The following MAOB variants were observed in gnomAD, a reference collection of about 807,000 sequenced individuals.
The protein encoded by MAOB is amine oxidase [flavin-containing] B.
MAOB carries 15 observed loss-of-function variants against 41.9 expected under a neutral mutation model. The observed-to-expected ratio is 0.36, with a 90% CI of 0.24 to 0.55. The LOEUF is 0.55. MAOB is among the 20% of genes least tolerant of loss of function. The probability of loss-of-function intolerance (pLI) is 0.86; values close to 1 mark genes in which losing one functional copy is unlikely to be tolerated. For missense variants in MAOB, 345 were observed against 398.7 expected (o/e 0.87, Z 1.15); for synonymous variants, 167 against 144.2 (o/e 1.16, Z -1.13).
Position 43,812,727 on chromosome X carries a change from A to C in MAOB, c.280-9323T>G, listed in dbSNP as rs1399305097. On this transcript the variant is annotated intron_variant, in intron 3 of 14. Transcript: ENST00000378069. ...ATTGCTTGCTAACATTTCTAAGCAC[A>C]CAGAATTGGCACTGACACTGTCTTC... is the stretch of plus-strand genomic sequence containing the variant. 1.9e-4 allele frequency among the ~76,000 whole-genome samples: 21 copies of C among 112,574 alleles called. No individual in the cohort carries two copies. In the Admixed American group the frequency reaches 2.0e-3, roughly 11 times the overall value.
At chrX:43,825,574 T>A (rs2034935265) in intron 3 of MAOB, among the ~76,000 whole-genome samples, 1 of 111,157 alleles carries the variant, frequency 9.0e-6, no homozygotes, top group South Asian at 3.8e-4. Context: ...AACACACATA[T>A]ATATTTTCCA....
chrX:43,857,104 TATATATATATATAGAGAGAGAGAGAGAG>T (rs1569230744), intron 1 of MAOB, among the ~76,000 whole-genome samples: 7 of 24,062 alleles, frequency 2.9e-4, no homozygotes, highest in Admixed American at 6.9e-4. Flanking sequence ...TATATATATA[TATATATATATATAGAGAGAGAGAGAGAG>T]AGAGAGAGAG....
At chrX:43,797,061 A>G in intron 6 of MAOB, 64 bp downstream of exon 6, 1 of 1,087,452 alleles carries the variant, frequency 9.2e-7, no homozygotes, top group Non-Finnish European at 1.2e-6. Context: ...TGATTGAAGG[A>G]TGATGATCTT....
chrX:43,872,856 T>C (rs2035416604), intron 1 of MAOB, among the ~76,000 whole-genome samples: 2 of 112,328 alleles, frequency 1.8e-5, no homozygotes, highest in Admixed American at 1.9e-4. Flanking sequence ...AGTTCAATTA[T>C]GGATGATTTT....
intron 2 of MAOB, 99 bp from the exon 3 acceptor site, chrX:43,839,104 T>C (rs886527238): frequency 1.7e-5 from 10 of 605,955 alleles, no homozygotes; most frequent in Non-Finnish European, 1.9e-5. Flanking sequence ...TCACAAGTTA[T>C]AGATACAGCT....
intron 8 of MAOB, among the ~76,000 whole-genome samples, chrX:43,783,816 C>T (rs1169907935): frequency 9.8e-5 from 11 of 111,842 alleles, no homozygotes; most frequent in African/African-American, 3.2e-4. Context: ...CTGAAGGCTG[C>T]GATGCTGTTT....
chrX:43,819,699 A>T (rs2034859330), intron 3 of MAOB, among the ~76,000 whole-genome samples: 1 of 112,000 alleles, frequency 8.9e-6, no homozygotes, highest in South Asian at 3.8e-4. Context: ...ACCTCATGAG[A>T]AACTTCTGAC....
chrX:43,880,873 TG>T (rs1265198564), intron 1 of MAOB, among the ~76,000 whole-genome samples: 1 of 112,473 alleles, frequency 8.9e-6, no homozygotes, highest in Non-Finnish European at 1.9e-5. Flanking sequence ...TTCTGTAAGA[TG>T]GGGTGCTATG....
intron 3 of MAOB, among the ~76,000 whole-genome samples, chrX:43,819,584 C>A (rs1422707079): frequency 8.9e-6 from 1 of 111,930 alleles, no homozygotes; most frequent in Non-Finnish European, 1.9e-5. Context: ...ACCTCCAAGT[C>A]TGTGTCTTGA....
rs895186561 is a variant in MAOB at position 43,766,826 on chromosome X, C to G, written c.*640G>C. ...CAACTTAGCACAGAGTAAACCCACA[C>G]AACGGGACACCATCGGTAACTATGA... is the stretch of plus-strand genomic sequence containing the variant. On this transcript the variant is annotated 3_prime_UTR_variant, in exon 15 of 15. Coordinates refer to ENST00000378069, the MANE Select transcript of MAOB (RefSeq NM_000898.5). 7.2e-5 allele frequency: 8 copies of G among 111,872 alleles called. No individual in the cohort carries two copies. The highest frequency in any genetic ancestry group is 1.9e-4 in the Admixed American group (2 of 10,493). The allele number at this position is 111,872 out of a possible 1,213,427, so 9.2% of individuals were successfully genotyped here.
chrX:43,866,506 G>A (rs1261237381), intron 1 of MAOB, among the ~76,000 whole-genome samples: 1 of 111,994 alleles, frequency 8.9e-6, no homozygotes, highest in East Asian at 2.8e-4. Flanking sequence ...AGAACTGAGA[G>A]CAGTCAAATG....
intron 1 of MAOB, among the ~76,000 whole-genome samples, chrX:43,862,783 T>A (rs1034745341): frequency 9.0e-6 from 1 of 111,444 alleles, no homozygotes; most frequent in Non-Finnish European, 1.9e-5. Flanking sequence ...ACCTACCCAG[T>A]TCAGAAACAT....
rs1227269728 is a variant in MAOB, at chrX:43,768,735, C to T, written c.1348-19G>A. 1 of 1,176,895 alleles carries T rather than the reference C, an allele frequency of 8.5e-7. No homozygotes were observed. Among genetic ancestry groups the T allele is most frequent in the South Asian group, 1.8e-5 (1 of 56,015 alleles). ...GCAGGATCTGAAATGAAAGAACACA[C>T]TGGCAAATAGCAAAAGTGACACCAT... On this transcript the variant is annotated intron_variant, in intron 13 of 14. Transcript: ENST00000378069.
At chrX:43,857,241 C>T (rs1354483188) in intron 1 of MAOB, among the ~76,000 whole-genome samples, 9 of 100,959 alleles carry the variant, frequency 8.9e-5, no homozygotes, top group East Asian at 6.6e-4. Context: ...AGTGCAATGG[C>T]GCAATCTCAG....
At chrX:43,772,649 T>C (rs1478524491) in intron 12 of MAOB, among the ~76,000 whole-genome samples, 1 of 111,967 alleles carries the variant, frequency 8.9e-6, no homozygotes, top group Admixed American at 9.5e-5. Context: ...ATATCACCCA[T>C]AGCCCATCTG....
At chrX:43,803,158 C>A in intron 4 of MAOB, 142 bp downstream of exon 4, 3 of 475,808 alleles carry the variant, frequency 6.3e-6, no homozygotes, top group Non-Finnish European at 9.6e-6. Flanking sequence ...AGGTTAGAAA[C>A]AAGTTCATTC....
chrX:43,857,151 AG>A (rs2035301441), intron 1 of MAOB, among the ~76,000 whole-genome samples: 8 of 62,462 alleles, frequency 1.3e-4, no homozygotes, highest in African/African-American at 2.8e-4. Context: ...AGAGAGAGAG[AG>A]AGAGAGAGAG....
chrX:43,871,799 A>G (rs2035409592), intron 1 of MAOB, among the ~76,000 whole-genome samples: 1 of 110,511 alleles, frequency 9.0e-6, no homozygotes, highest in South Asian at 3.9e-4. Flanking sequence ...TGTATTTATC[A>G]TCGGTGCTTA....
At chrX:43,823,924 A>G (rs2034913297) in intron 3 of MAOB, among the ~76,000 whole-genome samples, 1 of 112,206 alleles carries the variant, frequency 8.9e-6, no homozygotes, top group African/African-American at 3.2e-5. Context: ...CTGTTCAGAG[A>G]TATTGTCTCA....
Sources: gnomAD v4.1 joint callset for allele counts (sites outside exome capture counted in the v4.1 genomes callset) on GRCh38, gnomAD v4.1.1 for gene constraint, MANE v1.5 for transcripts, NCBI Gene and HGNC (gene_info 2026-07-23, HGNC 2026-07-21) for gene names.